CEP295: variants seen among roughly 807,000 people sequenced by gnomAD.
The protein encoded by CEP295 is centrosomal protein 295.
Under a neutral mutation model 291.6 loss-of-function variants are expected in CEP295, and 190 were observed. That is an observed-to-expected ratio of 0.65 (90% confidence interval 0.58 to 0.73). The LOEUF is 0.73. Among genes scored for constraint, CEP295 ranks in the 30% least tolerant of loss-of-function variants. The probability of loss-of-function intolerance (pLI) is 0.00; values close to 1 mark genes in which losing one functional copy is unlikely to be tolerated. For missense variants in CEP295, 2,863 were observed against 2,949.4 expected, an observed-to-expected ratio of 0.97 and a Z score of 0.68; for synonymous variants, 993 against 1,038.8, an observed-to-expected ratio of 0.96 and a Z score of 0.85.
intron 6 of CEP295, 84 bp from the exon 7 acceptor site, chr11:93,679,328 A>G: frequency 8.7e-7 from 1 of 1,149,652 alleles, no homozygotes; most frequent in Non-Finnish European, 1.2e-6. Flanking sequence ...TGTAGAAAAC[A>G]TGATTTTAAG....
chr11:93,696,766 A>T lies in CEP295; in HGVS notation c.1854A>T (p.Ser618=). 6.4e-7 allele frequency: 1 copy of T among 1,551,680 alleles called. No homozygotes were observed. Among genetic ancestry groups the T allele is most frequent in the Non-Finnish European group, 8.7e-7 (1 of 1,146,908 alleles). Residue 618 remains serine (S), a synonymous_variant, in exon 15 of 30, where the codon TCA becomes TCT. Transcript: ENST00000325212. ...TMLKGRCPSV[S]APSLITDSVI... ...TAAAAGGAAGGTGCCCATCGGTGTC[A>T]GCTCCATCATTGATAACTGATTCTG...
intron 1 of CEP295, among the ~76,000 whole-genome samples, chr11:93,664,265 A>C (rs542970684): frequency 5.2e-4 from 79 of 152,198 alleles, no homozygotes; most frequent in Non-Finnish European, 8.4e-4. Context: ...ACTCTCAAAA[A>C]ACAACAGCTT....
intron 18 of CEP295, among the ~76,000 whole-genome samples, chr11:93,707,434 T>G (rs775158772): frequency 1.2e-4 from 18 of 152,138 alleles, no homozygotes; most frequent in Non-Finnish European, 2.4e-4. Context: ...AGTATAGTTG[T>G]AGTACTATTT....
chr11:93,694,683 G>T (rs1178914038), intron 12 of CEP295, among the ~76,000 whole-genome samples: 1 of 152,182 alleles, frequency 6.6e-6, no homozygotes, highest in Non-Finnish European at 1.5e-5. Context: ...GGATATGCTG[G>T]ACAAAGAGAT....
At chr11:93,667,437 A>G (rs907281078) in intron 2 of CEP295, among the ~76,000 whole-genome samples, 170 bp from the exon 3 acceptor site, 1 of 152,230 alleles carries the variant, frequency 6.6e-6, no homozygotes, top group Non-Finnish European at 1.5e-5. Flanking sequence ...TACTTTTTGT[A>G]CATTCACTCA....
chr11:93,719,630 C>G (rs1953547625), intron 18 of CEP295: 1 of 151,962 alleles, frequency 6.6e-6, no homozygotes, highest in Non-Finnish European at 1.5e-5. Context: ...TGAGTTATCT[C>G]AATTGATTAT....
intron 24 of CEP295, 45 bp from the exon 25 acceptor site, chr11:93,728,633 CTTT>C: frequency 6.8e-7 from 1 of 1,480,380 alleles, no homozygotes; most frequent in Non-Finnish European, 8.9e-7. Flanking sequence ...TAGTTTAAGT[CTTT>C]TAAGGCTATT....
chr11:93,728,600 A>C, intron 24 of CEP295, 81 bp from the exon 25 acceptor site: 2 of 1,263,736 alleles, frequency 1.6e-6, no homozygotes, highest in Non-Finnish European at 2.1e-6. Context: ...CTTGCAAAAA[A>C]TGTGCATTAT....
Position 93,697,310 on chromosome 11 carries a change from G to A in CEP295, c.2398G>A (p.Val800Ile). 1.3e-6 allele frequency: 2 copies of A among 1,551,716 alleles called. No homozygotes were observed. Among genetic ancestry groups the A allele is most frequent in the Admixed American group, 2.0e-5 (1 of 51,004 alleles). ...VPQHSFSSLP[V>I]KVESGKIQEP... ...TCAGCATTCTTTTAGTTCTCTGCCT[G>A]TTAAAGTTGAGTCAGGAAAAATTCA... Residue 800 changes from valine (V) to isoleucine (I), a missense_variant, in exon 15 of 30, where the codon GTT (valine) becomes ATT (isoleucine). Physicochemically the swap from Val to Ile is conservative, Grantham distance 29. This residue lies in a region of CEP295 where 2,295 missense variants were observed against 2,335.7 expected (regional missense o/e 0.98). Transcript: ENST00000325212.
chr11:93,698,777 T>C lies in CEP295; in HGVS notation c.3865T>C (p.Ser1289Pro). The change falls in exon 15 of 30, where the codon TCT becomes CCT. Residue 1289 changes from serine to proline, a missense_variant. By Grantham distance (74) the Ser-to-Pro change is moderately conservative (BLOSUM62 -1). Around this residue, in one of 3 missense-constraint regions of CEP295, gnomAD observed 2,295 missense variants for 2,335.7 expected, o/e 0.98. Transcript: ENST00000325212. ...TACATCTTCTGAACAAACTGGTTCA[T>C]CTTCATTCATACCCCAGTTGGTACA... is the stretch of plus-strand genomic sequence containing the variant. ...ENTSSEQTGSSSFIPQLVQLS... is the reference protein window; with the variant it reads ...ENTSSEQTGSPSFIPQLVQLS... The C allele has an allele frequency of 6.4e-7, 1 of 1,551,748 alleles. No individual in the cohort carries two copies. Among genetic ancestry groups the C allele is most frequent in the Non-Finnish European group, 8.7e-7 (1 of 1,146,988 alleles).
intron 4 of CEP295, 53 bp from the exon 5 acceptor site, chr11:93,669,624 T>C (rs1950340735): frequency 2.6e-6 from 3 of 1,166,876 alleles, no homozygotes; most frequent in East Asian, 2.6e-5. Context: ...AACCCTGTTG[T>C]ACTATAATAT....
chr11:93,692,646 G>T (rs1274792541), intron 12 of CEP295, among the ~76,000 whole-genome samples: 1 of 151,608 alleles, frequency 6.6e-6, no homozygotes, highest in African/African-American at 2.4e-5. Flanking sequence ...TCCTAGTAGA[G>T]ATGACGTCTT....
chr11:93,724,501 T>A, intron 22 of CEP295, 126 bp downstream of exon 22: 1 of 941,450 alleles, frequency 1.1e-6, no homozygotes, highest in Non-Finnish European at 1.6e-6. Context: ...GCACAGTGGC[T>A]CACACCTGTA....
intron 12 of CEP295, among the ~76,000 whole-genome samples, chr11:93,693,002 G>T (rs994637965): frequency 6.6e-6 from 1 of 151,046 alleles, no homozygotes. Flanking sequence ...AAAAGGCCGG[G>T]CCCGGTGGCT....
At chr11:93,682,674 A>T (rs11020484) in intron 7 of CEP295, among the ~76,000 whole-genome samples, 47,538 of 151,696 alleles carry the variant, frequency 0.31, 8,837 homozygotes, top group Admixed American at 0.43. Flanking sequence ...TGCATACTGT[A>T]TTGTGGCCTG....
intron 2 of CEP295, 50 bp downstream of exon 2, chr11:93,666,865 C>A: frequency 9.7e-7 from 1 of 1,026,776 alleles, no homozygotes. Flanking sequence ...CCTCAAATTA[C>A]TTGTATTCTT....
rs1340989584 is a variant in CEP295, at chr11:93,708,112, T to C, written c.5749+1215T>C. On this transcript the variant is annotated intron_variant, in intron 18 of 29. Transcript: ENST00000325212. The stretch of plus-strand genomic sequence containing the variant: ...GGGATAGTTTGATACTGGTATACAA[T>C]GTGTAATATTCACATCATGGTAAAT... Among the ~76,000 whole-genome samples, 45 of 152,338 alleles carry C rather than the reference T, an allele frequency of 3.0e-4. 1 individual carries two copies. Among genetic ancestry groups the C allele is most frequent in the Admixed American group, 2.9e-3 (44 of 15,300 alleles).
chr11:93,721,700 GTACGCACA>G (rs772916605), intron 19 of CEP295: 8 of 675,400 alleles, frequency 1.2e-5, no homozygotes, highest in East Asian at 3.0e-5. Context: ...GTGTGTGTGT[GTACGCACA>G]TGTGTTTATA....
At chr11:93,709,208 G>A (rs1158537753) in intron 18 of CEP295, among the ~76,000 whole-genome samples, 1 of 152,174 alleles carries the variant, frequency 6.6e-6, no homozygotes, top group Non-Finnish European at 1.5e-5. Flanking sequence ...TATTGCTCAA[G>A]AAATCCTTTG....
Sources: gnomAD v4.1 joint callset for allele counts (sites outside exome capture counted in the v4.1 genomes callset) on GRCh38, gnomAD v4.1.1 for gene constraint, gnomAD v4.1.1 regional missense constraint, MANE v1.5 for transcripts, NCBI Gene and HGNC (gene_info 2026-07-23, HGNC 2026-07-21) for gene names.